The following OR4K17 variants were observed in gnomAD, a reference collection of about 807,000 sequenced individuals.
OR4K17 encodes olfactory receptor family 4 subfamily K member 17, also known as olfactory receptor 4K17.
For missense variants in OR4K17, 480 were observed against 366.3 expected (o/e 1.31, Z -2.53); for synonymous variants, 157 against 132.8 (o/e 1.18, Z -1.25).
chr14:20,111,730 T>C (rs972579435), intron 1 of OR4K17, among the ~76,000 whole-genome samples: 1 of 151,992 alleles, frequency 6.6e-6, no homozygotes, highest in African/African-American at 2.4e-5. Flanking sequence ...AAAGAAGAGC[T>C]TAGAAACTAT....
intron 1 of OR4K17, among the ~76,000 whole-genome samples, chr14:20,111,239 A>G (rs1177242329): frequency 1.3e-5 from 2 of 151,198 alleles, no homozygotes; most frequent in African/African-American, 4.9e-5. Context: ...AAAATAGTTC[A>G]CAAACTTGGG....
chr14:20,115,803 G>A (rs887070713), intron 1 of OR4K17, among the ~76,000 whole-genome samples: 49 of 151,990 alleles, frequency 3.2e-4, no homozygotes, highest in African/African-American at 9.9e-4. Context: ...AGCAAAATGG[G>A]GTCATATGGC....
Position 20,121,064 on chromosome 14 carries a change from C to G in OR4K17, c.*2626C>G, listed in dbSNP as rs1454377504. 1.3e-5 allele frequency: 2 copies of G among 152,200 alleles called. No individual in the cohort carries two copies. The highest frequency in any genetic ancestry group is 4.8e-5 in the African/African-American group (2 of 41,440). 9.4% of individuals were successfully genotyped at this position (152,200 alleles called of 1,614,324 possible). On this transcript the variant is annotated 3_prime_UTR_variant, in exon 2 of 2. Coordinates refer to ENST00000641386, the MANE Select transcript of OR4K17 (RefSeq NM_001004715.5). ...ATAGTCAGAGCAGTTGTGTTTTACT[C>G]AACCAATCCCCTCACACCTCCATAC...
At position 20,118,375 on chromosome 14, in the gene OR4K17, A is replaced by G; in HGVS notation, c.876A>G (p.Lys292=). 2 of 1,609,586 alleles carry G rather than the reference A, an allele frequency of 1.2e-6. No individual in the cohort carries two copies. The highest frequency in any genetic ancestry group is 1.3e-5 in the African/African-American group (1 of 74,826). ...LNPIIYTLRN[K]EMKISMKKLW... ...CAATTATCTATACTCTGAGAAACAA[A>G]GAAATGAAGATATCCATGAAAAAAC... is the stretch of plus-strand genomic sequence containing the variant. The change falls in exon 2 of 2, where the codon AAA becomes AAG. Residue 292 remains lysine (K), a synonymous_variant. Transcript: ENST00000641386.
Position 20,117,864 on chromosome 14 carries a change from G to A in OR4K17, c.365G>A (p.Arg122Lys). ...MVLLVSMAFD[R>K]YVAICKPLHY... Reference sequence around the variant, plus strand: ...CTGTTGGTCTCCATGGCTTTTGACAGATATGTGGCCATTTGTAAGCCCCTA... The same window carrying A: ...CTGTTGGTCTCCATGGCTTTTGACAAATATGTGGCCATTTGTAAGCCCCTA... The change falls in exon 2 of 2, where the codon AGA (arginine) becomes AAA (lysine). Residue 122 changes from arginine to lysine, a missense_variant. Physicochemically the swap from Arg to Lys is conservative, Grantham distance 26. Coordinates refer to ENST00000641386, the MANE Select transcript of OR4K17 (RefSeq NM_001004715.5). The A allele has an allele frequency of 6.2e-7, 1 of 1,614,024 alleles. No individual in the cohort carries two copies. Among genetic ancestry groups the A allele is most frequent in the Non-Finnish European group, 8.5e-7 (1 of 1,179,976 alleles).
In OR4K17 at chr14:20,118,774, T is replaced by A. The variant is rs906124856; in HGVS notation, c.*336T>A. ...ACATGCATCACAAGGCAATAAAATATCACAAGGCAAATGGGGACAGAGCAA... is the reference window on the plus strand; with the variant it reads ...ACATGCATCACAAGGCAATAAAATAACACAAGGCAAATGGGGACAGAGCAA... On this transcript the variant is annotated 3_prime_UTR_variant, in exon 2 of 2. Coordinates refer to ENST00000641386, the MANE Select transcript of OR4K17 (RefSeq NM_001004715.5). 3 of 183,830 alleles carry A rather than the reference T, an allele frequency of 1.6e-5. No individual in the cohort carries two copies. The highest frequency in any genetic ancestry group is 1.5e-4 in the East Asian group (1 of 6,520). 11.4% of individuals were successfully genotyped at this position (183,830 alleles called of 1,614,324 possible). A position where few individuals can be genotyped will look rare whatever the true frequency, so the allele number is the denominator to read the frequency against.
In OR4K17 at chr14:20,118,621, G is replaced by A. The variant is rs989812657; in HGVS notation, c.*183G>A. On this transcript the variant is annotated 3_prime_UTR_variant, in exon 2 of 2. Transcript: ENST00000641386. ...TACAAAAGAGAGAAATTTTAAAGCT[G>A]GGTGTCCAGGGGAGACATCACATGT... The A allele has an allele frequency of 4.3e-6, 2 of 465,248 alleles. No individual in the cohort carries two copies. The highest frequency in any genetic ancestry group is 2.0e-5 in the African/African-American group (1 of 50,494). The allele number at this position is 465,248 out of a possible 1,614,324, so 28.8% of individuals were successfully genotyped here.
At position 20,117,108 on chromosome 14, in the gene OR4K17, G is replaced by T. The variant is rs116794217; in HGVS notation, c.-32-360G>T. Among the ~76,000 whole-genome samples the T allele has an allele frequency of 3.1e-3, 466 of 152,240 alleles. 4 individuals are homozygous for T. Among genetic ancestry groups the T allele is most frequent in the African/African-American group, 0.011 (444 of 41,546 alleles). ...AAAATTTTGAGTTTGAAAGAGTAGA[G>T]GTTGTGCTGAAACCCTTTGTTCTCC... On this transcript the variant is annotated intron_variant, in intron 1 of 1. Coordinates refer to ENST00000641386, the MANE Select transcript of OR4K17 (RefSeq NM_001004715.5).
At position 20,118,774 on chromosome 14, in the gene OR4K17, T is replaced by C. The variant is rs906124856; in HGVS notation, c.*336T>C. ...ACATGCATCACAAGGCAATAAAATA[T>C]CACAAGGCAAATGGGGACAGAGCAA... On this transcript the variant is annotated 3_prime_UTR_variant, in exon 2 of 2. Transcript: ENST00000641386. The C allele has an allele frequency of 1.6e-5, 3 of 183,830 alleles. No homozygotes were observed. Among genetic ancestry groups the C allele is most frequent in the Non-Finnish European group, 3.4e-5 (3 of 88,370 alleles). 11.4% of individuals were successfully genotyped at this position (183,830 alleles called of 1,614,324 possible). A position where few individuals can be genotyped will look rare whatever the true frequency, so the allele number is the denominator to read the frequency against.
At position 20,117,458 on chromosome 14, in the gene OR4K17, C is replaced by T; in HGVS notation, c.-32-10C>T. The T allele has an allele frequency of 6.2e-7, 1 of 1,611,360 alleles. No individual in the cohort carries two copies. Among genetic ancestry groups the T allele is most frequent in the South Asian group, 1.1e-5 (1 of 90,432 alleles). Reference sequence around the variant, plus strand: ...CCATGGTATGAGTGATCTTTTCTTTCTCTCTACAGGTCATCCAAGAGCGAG... The same window carrying T: ...CCATGGTATGAGTGATCTTTTCTTTTTCTCTACAGGTCATCCAAGAGCGAG... On this transcript the variant is annotated splice_polypyrimidine_tract_variant and intron_variant, in intron 1 of 1. Coordinates refer to ENST00000641386, the MANE Select transcript of OR4K17 (RefSeq NM_001004715.5).
chr14:20,118,490 C>A lies in OR4K17; in HGVS notation c.*52C>A, dbSNP rs1389394564. The A allele has an allele frequency of 2.7e-6, 3 of 1,093,712 alleles. No individual in the cohort carries two copies. In the East Asian group the frequency reaches 7.3e-5, roughly 26 times the overall value. The allele number at this position is 1,093,712 out of a possible 1,614,324, so 67.8% of individuals were successfully genotyped here. A position where few individuals can be genotyped will look rare whatever the true frequency, so the allele number is the denominator to read the frequency against. On this transcript the variant is annotated 3_prime_UTR_variant, in exon 2 of 2. Coordinates refer to ENST00000641386, the MANE Select transcript of OR4K17 (RefSeq NM_001004715.5). ...GCATGGTGGCTGATGCCTGTAATCC[C>A]CACACTTTGGGAGGAATATCAGGGG...
At position 20,118,048 on chromosome 14, in the gene OR4K17, G is replaced by T; in HGVS notation, c.549G>T (p.Leu183Phe). The change falls in exon 2 of 2, where the codon TTG becomes TTT. Residue 183 changes from leucine to phenylalanine, a missense_variant. Transcript: ENST00000641386. ...VVDSIFCDLP[L>F]VTKLACIDIY... ...ACAGCATTTTTTGTGACCTCCCTTT[G>T]GTTACTAAGCTTGCCTGTATAGACA... The T allele has an allele frequency of 6.2e-7, 1 of 1,614,032 alleles. No homozygotes were observed. Among genetic ancestry groups the T allele is most frequent in the Non-Finnish European group, 8.5e-7 (1 of 1,180,010 alleles).
At chr14:20,117,327 A>C (rs1199480843) in intron 1 of OR4K17, 141 bp from the exon 2 acceptor site, 2 of 968,238 alleles carry the variant, frequency 2.1e-6, no homozygotes, top group Non-Finnish European at 3.1e-6. Context: ...CTCCTTTTTC[A>C]GACTTAATAG....
Position 20,118,060 on chromosome 14 carries a change from T to G in OR4K17, c.561T>G (p.Leu187=). ...IFCDLPLVTK[L]ACIDIYFVQV... ...GTGACCTCCCTTTGGTTACTAAGCTTGCCTGTATAGACATATATTTTGTAC... is the reference window on the plus strand; with the variant it reads ...GTGACCTCCCTTTGGTTACTAAGCTGGCCTGTATAGACATATATTTTGTAC... The change falls in exon 2 of 2, where the codon CTT becomes CTG. Residue 187 remains leucine (L), a synonymous_variant. Transcript: ENST00000641386. The G allele has an allele frequency of 6.2e-7, 1 of 1,614,188 alleles. No individual in the cohort carries two copies. The highest frequency in any genetic ancestry group is 8.5e-7 in the Non-Finnish European group (1 of 1,180,034).
chr14:20,115,650 T>A (rs1877973108), intron 1 of OR4K17, among the ~76,000 whole-genome samples: 1 of 152,048 alleles, frequency 6.6e-6, no homozygotes, highest in Non-Finnish European at 1.5e-5. Flanking sequence ...GTGAAAGATC[T>A]CAAAGGGTCT....
At chr14:20,113,914 C>T (rs370364119) in intron 1 of OR4K17, among the ~76,000 whole-genome samples, 1 of 151,764 alleles carries the variant, frequency 6.6e-6, no homozygotes, top group African/African-American at 2.4e-5. Context: ...AAGTGAGATC[C>T]CTAAATGTAA....
intron 1 of OR4K17, among the ~76,000 whole-genome samples, chr14:20,113,365 T>C (rs868033766): frequency 6.6e-6 from 1 of 152,046 alleles, no homozygotes; most frequent in Admixed American, 6.6e-5. Flanking sequence ...AGGCTAAAGT[T>C]CAGCCTTACT....
At chr14:20,115,812 G>A (rs146428332) in intron 1 of OR4K17, among the ~76,000 whole-genome samples, 22 of 152,082 alleles carry the variant, frequency 1.4e-4, no homozygotes, top group Admixed American at 1.2e-3. Context: ...GGGTCATATG[G>A]CCCTGGAGCA....
In OR4K17 at chr14:20,118,336, T is replaced by C. The variant is rs755107234; in HGVS notation, c.837T>C (p.Thr279=). The C allele has an allele frequency of 1.9e-6, 3 of 1,612,160 alleles. No individual in the cohort carries two copies. Among genetic ancestry groups the C allele is most frequent in the East Asian group, 4.5e-5 (2 of 44,868 alleles). Residue 279 remains threonine, a synonymous_variant, in exon 2 of 2, where the codon ACT becomes ACC. Coordinates refer to ENST00000641386, the MANE Select transcript of OR4K17 (RefSeq NM_001004715.5). ...TTGCTGTGTTTTATACCATCATCAC[T>C]CCTATCTTGAATCCAATTATCTATA... The part of the protein sequence containing the change: ...KFLAVFYTII[T]PILNPIIYTL...
Sources: gnomAD v4.1 joint callset for allele counts (sites outside exome capture counted in the v4.1 genomes callset) on GRCh38, gnomAD v4.1.1 for gene constraint, MANE v1.5 for transcripts, NCBI Gene and HGNC (gene_info 2026-07-23, HGNC 2026-07-21) for gene names.